The following CRB1 variants were observed in gnomAD, a reference collection of about 807,000 sequenced individuals.
CRB1 encodes the protein protein crumbs homolog 1.
A neutral mutation model predicts 120.0 loss-of-function variants in CRB1; 83 were observed. That is an observed-to-expected ratio of 0.69 (90% CI 0.58 to 0.83). The LOEUF (loss-of-function observed/expected upper bound fraction) is 0.83. CRB1 is among the 40% of genes least tolerant of loss of function. The probability of loss-of-function intolerance (pLI) is 0.00; values close to 1 mark genes in which losing one functional copy is unlikely to be tolerated. For missense variants in CRB1, 1,699 were observed against 1,687.6 expected, an observed-to-expected ratio of 1.01 and a Z score of -0.12; for synonymous variants, 625 against 612.5, an observed-to-expected ratio of 1.02 and a Z score of -0.30.
In CRB1 at chr1:197,347,331, A is replaced by G. The variant is rs994294338; in HGVS notation, c.849-9A>G. The G allele has an allele frequency of 1.2e-6, 2 of 1,612,758 alleles. No homozygotes were observed. Among genetic ancestry groups the G allele is most frequent in the Non-Finnish European group, 1.7e-6 (2 of 1,178,862 alleles). On this transcript the variant is annotated splice_polypyrimidine_tract_variant and intron_variant, in intron 3 of 11. Transcript: ENST00000367400. ...AAGAGTTGACATGAAAATTTCATTT[A>G]CTTTCCAGATATAGCTGTAACTGCA...
At chr1:197,252,637 T>TACAC in the CRB1 span, among the ~76,000 whole-genome samples, 16 of 120,722 alleles carry the variant, frequency 1.3e-4, no homozygotes, top group African/African-American at 2.7e-4. Context: ...GTGTTTATAT[T>TACAC]ACACACACAC....
chr1:197,471,654 C>G (rs758332294), intron 11 of CRB1, among the ~76,000 whole-genome samples: 2 of 152,188 alleles, frequency 1.3e-5, no homozygotes, highest in African/African-American at 4.8e-5. Flanking sequence ...CCCGAGTTCT[C>G]TCTTTTGGCT....
chr1:197,288,797 G>A (rs1386262918), intron 1 of CRB1, among the ~76,000 whole-genome samples: 1 of 151,510 alleles, frequency 6.6e-6, no homozygotes, highest in Non-Finnish European at 1.5e-5. Flanking sequence ...AGAGAAAAAA[G>A]GATTAGAAAA....
intron 2 of CRB1, among the ~76,000 whole-genome samples, chr1:197,343,084 C>T (rs1659563711): frequency 6.6e-6 from 1 of 152,032 alleles, no homozygotes. Context: ...ATTTAATATG[C>T]TAGCTTCTCT....
intron 1 of CRB1, among the ~76,000 whole-genome samples, chr1:197,271,836 T>C (rs1300526427): frequency 6.6e-6 from 1 of 151,966 alleles, no homozygotes; most frequent in African/African-American, 2.4e-5. Context: ...AATTTGGGGG[T>C]AAACAATATT....
At chr1:197,279,820 A>G (rs576453312) in intron 1 of CRB1, among the ~76,000 whole-genome samples, 54 of 150,746 alleles carry the variant, frequency 3.6e-4, no homozygotes, top group African/African-American at 1.1e-3. Flanking sequence ...TTTGGAGATA[A>G]TACATCTCTA....
chr1:197,382,279 T>C (rs965393794), intron 5 of CRB1, among the ~76,000 whole-genome samples: 1 of 152,190 alleles, frequency 6.6e-6, no homozygotes, highest in Non-Finnish European at 1.5e-5. Context: ...AGTGTAAGTA[T>C]TTGCCATCAT....
At chr1:197,465,187 A>G (rs553336313) in intron 11 of CRB1, among the ~76,000 whole-genome samples, 2 of 152,320 alleles carry the variant, frequency 1.3e-5, no homozygotes, top group South Asian at 4.1e-4. Flanking sequence ...TGCTAAATTT[A>G]TACATAGAGA....
intron 11 of CRB1, among the ~76,000 whole-genome samples, chr1:197,461,064 C>G (rs1381731813): frequency 1.3e-5 from 2 of 152,116 alleles, no homozygotes; most frequent in African/African-American, 4.8e-5. Context: ...TGTAAATTAT[C>G]CATATTTGCA....
intron 5 of CRB1, among the ~76,000 whole-genome samples, chr1:197,377,014 C>T (rs564283136): frequency 2.6e-5 from 4 of 152,246 alleles, no homozygotes; most frequent in Admixed American, 2.6e-4. Context: ...TAAAAGACTA[C>T]AGATTTTTGC....
At chr1:197,210,521 G>A in the CRB1 span, among the ~76,000 whole-genome samples, 858 of 152,068 alleles carry the variant, frequency 5.6e-3, 7 homozygotes, top group Middle Eastern at 0.054. Flanking sequence ...TCCCATCTGT[G>A]GACCTGTCCC....
At chr1:197,343,215 T>C (rs1659573370) in intron 2 of CRB1, among the ~76,000 whole-genome samples, 1 of 152,200 alleles carries the variant, frequency 6.6e-6, no homozygotes, top group East Asian at 1.9e-4. Flanking sequence ...TACTGACTTC[T>C]GAGTTTTTTG....
the CRB1 span, among the ~76,000 whole-genome samples, chr1:197,253,212 T>A: frequency 3.9e-5 from 6 of 152,068 alleles, no homozygotes; most frequent in Admixed American, 3.9e-4. Context: ...GCAATCCCAA[T>A]TATTTGCTGA....
At chr1:197,260,214 GAA>G in the CRB1 span, among the ~76,000 whole-genome samples, 8 of 11,058 alleles carry the variant, frequency 7.2e-4, no homozygotes, top group East Asian at 0.056. Context: ...AGAGGAAGGA[GAA>G]AAACAACTAA....
chr1:197,239,202 G>T, the CRB1 span, among the ~76,000 whole-genome samples: 2 of 152,032 alleles, frequency 1.3e-5, no homozygotes. Flanking sequence ...GTTAGGTGGA[G>T]TGTTCTATAG....
chr1:197,310,889 C>A (rs1657477375), intron 1 of CRB1, among the ~76,000 whole-genome samples: 1 of 152,080 alleles, frequency 6.6e-6, no homozygotes, highest in African/African-American at 2.4e-5. Context: ...GTAGCCAAAC[C>A]TGACATCCAC....
the CRB1 span, among the ~76,000 whole-genome samples, chr1:197,202,983 C>CTG: frequency 0.17 from 23,703 of 139,140 alleles, 2,020 homozygotes; most frequent in Middle Eastern, 0.23. Context: ...GTGTGTGTGT[C>CTG]TGTGTGTGTG....
At chr1:197,267,046 G>A (rs146560839), upstream of CRB1, among the ~76,000 whole-genome samples, 39 of 152,244 alleles carry the variant, frequency 2.6e-4, no homozygotes, top group East Asian at 5.6e-3. Context: ...AAGAACTAAT[G>A]TTCTAGAAAT....
chr1:197,230,547 A>G, the CRB1 span, among the ~76,000 whole-genome samples: 1 of 152,086 alleles, frequency 6.6e-6, no homozygotes, highest in African/African-American at 2.4e-5. Flanking sequence ...AATAATCACT[A>G]TGTGGCAAAT....
Sources: gnomAD v4.1 joint callset for allele counts (sites outside exome capture counted in the v4.1 genomes callset) on GRCh38, gnomAD v4.1.1 for gene constraint, MANE v1.5 for transcripts, NCBI Gene and HGNC (gene_info 2026-07-23, HGNC 2026-07-21) for gene names.